GOSR2: variants seen among roughly 807,000 people sequenced by gnomAD.
The protein encoded by GOSR2 is golgi SNAP receptor complex member 2.
A neutral mutation model predicts 27.9 loss-of-function variants in GOSR2; 20 were observed. The observed-to-expected ratio is 0.72, with a 90% CI of 0.50 to 1.04. The LOEUF (loss-of-function observed/expected upper bound fraction) is 1.04. GOSR2 is among the 50% of genes least tolerant of loss of function. The pLI is 0.00. For missense variants in GOSR2, 261 were observed against 270.5 expected, an observed-to-expected ratio of 0.97 and a Z score of 0.25; for synonymous variants, 91 against 98.8, an observed-to-expected ratio of 0.92 and a Z score of 0.47.
intron 5 of GOSR2, chr17:46,936,965 T>TA (rs78020254): frequency 0.015 from 2,967 of 196,210 alleles, no homozygotes; most frequent in Non-Finnish European, 0.022. Context: ...GTGTATTTAT[T>TA]AAAAAAAAAA....
chr17:46,971,291 C>T (rs960588937), downstream of GOSR2, among the ~76,000 whole-genome samples: 3 of 152,204 alleles, frequency 2.0e-5, no homozygotes, highest in South Asian at 6.2e-4. Context: ...GAGCTGAGAT[C>T]GCACTACTGC....
At chr17:46,971,699 A>G (rs2091394097), downstream of GOSR2, among the ~76,000 whole-genome samples, 1 of 152,196 alleles carries the variant, frequency 6.6e-6, no homozygotes, top group Non-Finnish European at 1.5e-5. Flanking sequence ...ACTTTCTCTG[A>G]TGACTGGAAA....
At chr17:46,933,303 T>C (rs2087692104) in intron 4 of GOSR2, 1 of 152,240 alleles carries the variant, frequency 6.6e-6, no homozygotes, top group South Asian at 2.1e-4. Context: ...GGAGCTATAA[T>C]ACATTTTTCT....
At chr17:46,958,767 T>C (rs1216523295) in intron 6 of GOSR2, among the ~76,000 whole-genome samples, 2 of 152,186 alleles carry the variant, frequency 1.3e-5, no homozygotes, top group Non-Finnish European at 2.9e-5. Context: ...CTGGGACATT[T>C]AAGTCTGCCT....
intron 6 of GOSR2, among the ~76,000 whole-genome samples, chr17:46,960,276 C>A (rs138781896): frequency 4.5e-4 from 69 of 152,246 alleles, no homozygotes; most frequent in Non-Finnish European, 8.1e-4. Context: ...CAATAGAAGA[C>A]AAATTAGACA....
At chr17:46,970,474 A>G (rs1195641933), downstream of GOSR2, among the ~76,000 whole-genome samples, 2 of 145,056 alleles carry the variant, frequency 1.4e-5, no homozygotes, top group Admixed American at 1.4e-4. Flanking sequence ...TGGGAGGCAC[A>G]GGTTGCAGCA....
chr17:46,937,016 AGTT>A (rs1288669353), intron 5 of GOSR2: 1 of 164,882 alleles, frequency 6.1e-6, no homozygotes, highest in African/African-American at 2.4e-5. Context: ...CATGCATATA[AGTT>A]GCAGTGGGTG....
At chr17:46,971,056 C>T (rs962637036), downstream of GOSR2, among the ~76,000 whole-genome samples, 6 of 152,096 alleles carry the variant, frequency 3.9e-5, no homozygotes, top group East Asian at 3.9e-4. Flanking sequence ...CTTGTATCAT[C>T]GCTTTAAAAC....
At chr17:46,923,495 A>G (rs1315287642) in intron 1 of GOSR2, 6 of 1,380,084 alleles carry the variant, frequency 4.3e-6, no homozygotes, top group Non-Finnish European at 5.6e-6. Context: ...GTGACGGGAA[A>G]CTGGCACCTG....
At chr17:46,938,570 G>C (rs562918133) in intron 5 of GOSR2, 29 bp from the exon 6 acceptor site, 1 of 1,578,734 alleles carries the variant, frequency 6.3e-7, no homozygotes, top group Non-Finnish European at 8.7e-7. Context: ...CTTGATGTTT[G>C]TTTTTTTTTC....
At chr17:46,937,027 G>A (rs959036516) in intron 5 of GOSR2, 2 of 158,890 alleles carry the variant, frequency 1.3e-5, no homozygotes, top group African/African-American at 4.8e-5. Flanking sequence ...GTTGCAGTGG[G>A]TGATATGTGC....
intron 3 of GOSR2, chr17:46,931,538 C>T: frequency 5.2e-6 from 2 of 387,606 alleles, no homozygotes; most frequent in Non-Finnish European, 9.4e-6. Context: ...TCTTTGGTTC[C>T]TGCTGGGTTC....
chr17:46,958,334 G>A (rs1474354905), intron 6 of GOSR2, among the ~76,000 whole-genome samples: 3 of 152,226 alleles, frequency 2.0e-5, no homozygotes, highest in African/African-American at 7.2e-5. Context: ...GATCTCCATG[G>A]CAACAATTAC....
rs1405888327 is a variant in GOSR2 at position 46,935,026 on chromosome 17, C to T, written c.337-3C>T. 1.2e-6 allele frequency: 2 copies of T among 1,612,274 alleles called. No homozygotes were observed. Among genetic ancestry groups the T allele is most frequent in the East Asian group, 2.2e-5 (1 of 44,898 alleles). ...TAATCAAGTGCCTGTGTTTCTTTCA[C>T]AGGACTCTGACACCACCATACCAAT... On this transcript the variant is annotated splice_polypyrimidine_tract_variant and splice_region_variant and intron_variant, in intron 4 of 5. Transcript: ENST00000640051.
intron 5 of GOSR2, chr17:46,936,219 C>T (rs1202355925): frequency 2.0e-6 from 2 of 985,308 alleles, no homozygotes; most frequent in African/African-American, 3.5e-5. Flanking sequence ...ATTAGTCTGC[C>T]CTTTCTTTAG....
downstream of GOSR2, among the ~76,000 whole-genome samples, chr17:46,968,236 C>T (rs971655896): frequency 6.6e-6 from 1 of 152,192 alleles, no homozygotes; most frequent in African/African-American, 2.4e-5. Context: ...CAGAGACCTC[C>T]CTGCTCCAAC....
chr17:46,952,793 A>G (rs575933747), intron 6 of GOSR2: 2 of 152,282 alleles, frequency 1.3e-5, no homozygotes, highest in African/African-American at 4.8e-5. Context: ...GAACTTCCCA[A>G]TTTGGAGAGC....
chr17:46,924,958 A>AT (rs1174544464), intron 1 of GOSR2, among the ~76,000 whole-genome samples: 60 of 152,318 alleles, frequency 3.9e-4, no homozygotes, highest in African/African-American at 1.4e-3. Context: ...ATTCAAGAAT[A>AT]ACTTTATTTA....
At chr17:46,962,502 C>A (rs1599237073) in intron 6 of GOSR2, among the ~76,000 whole-genome samples, 2 of 152,186 alleles carry the variant, frequency 1.3e-5, no homozygotes, top group Non-Finnish European at 2.9e-5. Context: ...TATGCTGATT[C>A]TGGGCCAATT....
Sources: gnomAD v4.1 joint callset for allele counts (sites outside exome capture counted in the v4.1 genomes callset) on GRCh38, gnomAD v4.1.1 for gene constraint, MANE v1.5 for transcripts, NCBI Gene and HGNC (gene_info 2026-07-23, HGNC 2026-07-21) for gene names.